Variants in RRAGB observed in about 807,000 individuals in gnomAD.
The protein encoded by RRAGB is ras-related GTP-binding protein B.
A neutral mutation model predicts 29.3 loss-of-function variants in RRAGB; 6 were observed. That is an observed-to-expected ratio of 0.21 (90% CI 0.11 to 0.40). The LOEUF is 0.40. RRAGB is among the 10% of genes least tolerant of loss of function. RRAGB has a pLI of 1.00. For missense variants in RRAGB, 184 were observed against 272.9 expected, an observed-to-expected ratio of 0.67 and a Z score of 2.29; for synonymous variants, 101 against 92.5, an observed-to-expected ratio of 1.09 and a Z score of -0.53.
chrX:55,753,607 CT>C, intron 7 of RRAGB, 93 bp downstream of exon 7: 5 of 867,078 alleles, frequency 5.8e-6, no homozygotes, highest in Non-Finnish European at 6.4e-6. Context: ...CAGGAAGAAC[CT>C]TTTTCCCTCT....
intron 5 of RRAGB, among the ~76,000 whole-genome samples, chrX:55,750,217 TGTG>T (rs1192608705): frequency 6.6e-5 from 7 of 106,375 alleles, no homozygotes; most frequent in Non-Finnish European, 1.4e-4. Flanking sequence ...TGTGTGTGTG[TGTG>T]TTTAGAGAGA....
intron 1 of RRAGB, among the ~76,000 whole-genome samples, chrX:55,719,081 A>C (rs1329490939): frequency 9.0e-6 from 1 of 111,714 alleles, no homozygotes; most frequent in Admixed American, 9.4e-5. Flanking sequence ...TTCCTAAATA[A>C]ATCTTCCTAG....
At chrX:55,741,438 A>C (rs755506239) in intron 5 of RRAGB, among the ~76,000 whole-genome samples, 3 of 112,508 alleles carry the variant, frequency 2.7e-5, no homozygotes, top group Non-Finnish European at 5.6e-5. Context: ...TAAAATAAAC[A>C]GCAAGTAATA....
In RRAGB at chrX:55,729,553, A is replaced by G. The variant is rs144015953; in HGVS notation, c.293+193A>G. On this transcript the variant is annotated intron_variant, in intron 4 of 9. Transcript: ENST00000374941. ...TGTGAAAATGCCCTCTGTATGTGACATGTTTAAATAGCGCTAATCCAAGCT... is the reference window on the plus strand; with the variant it reads ...TGTGAAAATGCCCTCTGTATGTGACGTGTTTAAATAGCGCTAATCCAAGCT... 9.9e-3 allele frequency among the ~76,000 whole-genome samples: 1,107 copies of G among 111,416 alleles called. 8 individuals carry two copies. Among genetic ancestry groups the G allele is most frequent in the African/African-American group, 0.034 (1,045 of 30,611 alleles).
chrX:55,757,985 A>G (rs938821236), intron 9 of RRAGB, among the ~76,000 whole-genome samples: 1 of 112,193 alleles, frequency 8.9e-6, no homozygotes, highest in African/African-American at 3.2e-5. Flanking sequence ...TTAAAATATA[A>G]CATACATTTT....
chrX:55,742,084 A>G (rs1192494227), intron 5 of RRAGB, among the ~76,000 whole-genome samples: 1 of 112,572 alleles, frequency 8.9e-6, no homozygotes, highest in Non-Finnish European at 1.9e-5. Flanking sequence ...TTACATTATA[A>G]TGTAAAGTTA....
chrX:55,753,089 T>C (rs183379680), intron 6 of RRAGB, among the ~76,000 whole-genome samples: 19 of 112,345 alleles, frequency 1.7e-4, no homozygotes, highest in Admixed American at 1.2e-3. Context: ...TTTTCAACTT[T>C]TTTCCTAAGG....
chrX:55,745,746 A>G (rs1307694935), intron 5 of RRAGB, among the ~76,000 whole-genome samples: 1 of 111,601 alleles, frequency 9.0e-6, no homozygotes, highest in Non-Finnish European at 1.9e-5. Flanking sequence ...AACAGCCTGC[A>G]CTCCACAGGT....
intron 3 of RRAGB, 21 bp from the exon 4 acceptor site, chrX:55,729,272 AT>A (rs781176789): frequency 1.8e-5 from 20 of 1,093,580 alleles, no homozygotes; most frequent in African/African-American, 3.7e-5. Context: ...TAATTACTAG[AT>A]TTGTCATATT....
Position 55,722,263 on chromosome X carries a change from C to G in RRAGB, c.204C>G (p.Asp68Glu). The G allele has an allele frequency of 8.4e-7, 1 of 1,186,170 alleles. No individual in the cohort carries two copies. Among genetic ancestry groups the G allele is most frequent in the Non-Finnish European group, 1.1e-6 (1 of 874,512 alleles). ...SIIFANYIARDTRRLGATIDV... is the reference protein window; with the variant it reads ...SIIFANYIARETRRLGATIDV... The stretch of plus-strand genomic sequence containing the variant: ...TCTTTGCAAATTATATTGCCAGAGA[C>G]ACACGTCGCCTTGGCGCAACAAGTA... Residue 68 changes from aspartate to glutamate, a missense_variant, in exon 3 of 10, where the codon GAC becomes GAG. Asp to Glu is a conservative substitution (Grantham distance 45). Transcript: ENST00000374941.
rs187667542 is a variant in RRAGB at position 55,731,174 on chromosome X, A to G, written c.294-190A>G. Among the ~76,000 whole-genome samples, 6 of 111,634 alleles carry G rather than the reference A, an allele frequency of 5.4e-5. No homozygotes were observed. In the Admixed American group the frequency reaches 5.7e-4, roughly 11 times the overall value. On this transcript the variant is annotated intron_variant, in intron 4 of 9. Transcript: ENST00000374941. ...CACCAAATGATTGACACGCTCTGCA[A>G]ACTTCTTTTGTTGGCTCAAGTTGTG...
chrX:55,740,344 A>T (rs773877649), intron 5 of RRAGB, among the ~76,000 whole-genome samples: 1 of 110,991 alleles, frequency 9.0e-6, no homozygotes, highest in East Asian at 2.8e-4. Context: ...AATCATTGTG[A>T]TTTTGAACCA....
intron 5 of RRAGB, among the ~76,000 whole-genome samples, chrX:55,734,927 G>A (rs190906089): frequency 1.2e-4 from 14 of 112,230 alleles, no homozygotes; most frequent in South Asian, 1.1e-3. Flanking sequence ...TATTTGTATG[G>A]TTTTGAGAAT....
At chrX:55,748,150 G>C (rs1014848606) in intron 5 of RRAGB, among the ~76,000 whole-genome samples, 1 of 112,830 alleles carries the variant, frequency 8.9e-6, no homozygotes, top group African/African-American at 3.2e-5. Flanking sequence ...GATTGCAGAG[G>C]GAGTCTCGTT....
At chrX:55,748,728 G>C (rs1244627032) in intron 5 of RRAGB, among the ~76,000 whole-genome samples, 4 of 111,627 alleles carry the variant, frequency 3.6e-5, no homozygotes, top group Non-Finnish European at 5.7e-5. Flanking sequence ...ACCCCATCCG[G>C]GAGGGAGGTG....
At chrX:55,730,492 G>A (rs1009445254) in intron 4 of RRAGB, among the ~76,000 whole-genome samples, 5 of 111,916 alleles carry the variant, frequency 4.5e-5, no homozygotes, top group Admixed American at 3.8e-4. Flanking sequence ...CAAAGTGCAG[G>A]ACTAGAACCT....
At chrX:55,753,909 G>T (rs1341760006) in intron 7 of RRAGB, among the ~76,000 whole-genome samples, 1 of 111,819 alleles carries the variant, frequency 8.9e-6, no homozygotes, top group Non-Finnish European at 1.9e-5. Context: ...GCCAGGTGTG[G>T]TGACGCATGC....
intron 1 of RRAGB, among the ~76,000 whole-genome samples, chrX:55,718,984 T>C (rs1405957869): frequency 8.9e-6 from 1 of 112,133 alleles, no homozygotes; most frequent in Non-Finnish European, 1.9e-5. Flanking sequence ...TTTTTAGAAA[T>C]AGAAGATATT....
chrX:55,721,916 G>A (rs1167386722), intron 2 of RRAGB, among the ~76,000 whole-genome samples: 1 of 112,456 alleles, frequency 8.9e-6, no homozygotes, highest in Non-Finnish European at 1.9e-5. Context: ...CATATTAATG[G>A]TGCATCTTAA....
Sources: gnomAD v4.1 joint callset for allele counts (sites outside exome capture counted in the v4.1 genomes callset) on GRCh38, gnomAD v4.1.1 for gene constraint, MANE v1.5 for transcripts, NCBI Gene and HGNC (gene_info 2026-07-23, HGNC 2026-07-21) for gene names.